Variants in CADPS2 observed in about 807,000 individuals in gnomAD.
The protein encoded by CADPS2 is calcium dependent secretion activator 2.
Under a neutral mutation model 172.5 loss-of-function variants are expected in CADPS2, and 93 were observed. The observed-to-expected ratio is 0.54, with a 90% CI of 0.46 to 0.64. The LOEUF (loss-of-function observed/expected upper bound fraction) is 0.64. Ranked by LOEUF, CADPS2 falls within the 30% of genes least tolerant of loss-of-function variation. CADPS2 has a pLI of 0.00. For synonymous variants in CADPS2, 546 were observed against 555.2 expected (o/e 0.98, Z 0.23); for missense variants, 1,420 against 1,565.9 (o/e 0.91, Z 1.57).
chr7:122,474,610 G>T, intron 12 of CADPS2, 93 bp from the exon 13 acceptor site: 1 of 1,138,966 alleles, frequency 8.8e-7, no homozygotes, highest in Non-Finnish European at 1.2e-6. Flanking sequence ...CGTGACTCAA[G>T]CAGAAGACTA....
intron 1 of CADPS2, among the ~76,000 whole-genome samples, chr7:122,763,402 G>A (rs2093452184): frequency 1.3e-5 from 2 of 152,094 alleles, no homozygotes; most frequent in South Asian, 4.1e-4. Flanking sequence ...GGCTAAAATT[G>A]ACAAACCCAG....
At chr7:122,473,085 T>C (rs187480781) in intron 13 of CADPS2, among the ~76,000 whole-genome samples, 6 of 152,280 alleles carry the variant, frequency 3.9e-5, no homozygotes, top group Non-Finnish European at 8.8e-5. Context: ...CCTCCTTACA[T>C]ATTTTAAGTT....
chr7:122,833,245 T>A (rs1807159463), intron 1 of CADPS2, among the ~76,000 whole-genome samples: 1 of 152,236 alleles, frequency 6.6e-6, no homozygotes, highest in Admixed American at 6.5e-5. Context: ...TTTAGTTGTT[T>A]GCGCTGTTTT....
chr7:122,705,632 G>GATATATAATATATTATATAATATATCTC (rs1564121098), intron 2 of CADPS2, among the ~76,000 whole-genome samples: 8 of 90,110 alleles, frequency 8.9e-5, no homozygotes, highest in East Asian at 5.4e-4. Context: ...TATTATATAT[G>GATATATAATATATTATATAATATATCTC]ATATATAATA....
Position 122,421,613 on chromosome 7 carries a change from A to G in CADPS2, c.2477-5449T>C, listed in dbSNP as rs1381328405. On this transcript the variant is annotated intron_variant, in intron 17 of 29. Transcript: ENST00000449022. ...CTTCGCTAGCCACTGAGGGGATACAATGATTAAAAAGATATTATTTCTGCC... is the reference window on the plus strand; with the variant it reads ...CTTCGCTAGCCACTGAGGGGATACAGTGATTAAAAAGATATTATTTCTGCC... 3.3e-5 allele frequency among the ~76,000 whole-genome samples: 5 copies of G among 152,244 alleles called. No homozygotes were observed. In the East Asian group the frequency reaches 7.7e-4, roughly 23 times the overall value.
intron 1 of CADPS2, among the ~76,000 whole-genome samples, chr7:122,815,515 C>T (rs1403290209): frequency 6.6e-6 from 1 of 151,934 alleles, no homozygotes; most frequent in African/African-American, 2.4e-5. Context: ...ATAAGTTTTC[C>T]CTGTCTCACT....
intron 28 of CADPS2, among the ~76,000 whole-genome samples, chr7:122,326,525 A>G (rs2033907135): frequency 6.6e-6 from 1 of 152,120 alleles, no homozygotes; most frequent in Non-Finnish European, 1.5e-5. Context: ...GATAAAAGTG[A>G]GAAATATCAA....
chr7:122,790,400 A>T (rs933913069), intron 1 of CADPS2, among the ~76,000 whole-genome samples: 3 of 149,086 alleles, frequency 2.0e-5, no homozygotes, highest in Non-Finnish European at 4.5e-5. Flanking sequence ...GCGTTTCTAA[A>T]AAAAAAAAAA....
At chr7:122,350,863 G>A (rs2038449213) in intron 27 of CADPS2, among the ~76,000 whole-genome samples, 1 of 151,866 alleles carries the variant, frequency 6.6e-6, no homozygotes, top group Non-Finnish European at 1.5e-5. Context: ...GTGCATCCCT[G>A]TAGTCCCAGC....
chr7:122,709,800 C>T (rs577026284), intron 2 of CADPS2, among the ~76,000 whole-genome samples: 6 of 151,708 alleles, frequency 4.0e-5, no homozygotes, highest in Non-Finnish European at 7.4e-5. Flanking sequence ...AGTAAACTAT[C>T]GCAAGGACAA....
chr7:122,760,921 C>A (rs2138728569), intron 1 of CADPS2, among the ~76,000 whole-genome samples: 1 of 152,022 alleles, frequency 6.6e-6, no homozygotes, highest in Admixed American at 6.6e-5. Flanking sequence ...ATGTAACTAA[C>A]CTGCACGTTG....
At chr7:122,395,441 T>G (rs2044954520) in intron 20 of CADPS2, 1 of 152,210 alleles carries the variant, frequency 6.6e-6, no homozygotes, top group Admixed American at 6.5e-5. Context: ...TTTAGGAGAC[T>G]AATGTTATCT....
intron 2 of CADPS2, among the ~76,000 whole-genome samples, chr7:122,686,637 T>TGCAGGTGGTCTGATGTAAAAG (rs1370953113): frequency 6.6e-6 from 1 of 152,210 alleles, no homozygotes; most frequent in Non-Finnish European, 1.5e-5. Context: ...AGAAAGTGAA[T>TGCAGGTGGTCTGATGTAAAAG]GCAGGTGGTC....
At chr7:122,658,470 A>G (rs1436186835) in intron 3 of CADPS2, among the ~76,000 whole-genome samples, 1 of 152,240 alleles carries the variant, frequency 6.6e-6, no homozygotes, top group Non-Finnish European at 1.5e-5. Flanking sequence ...TCACAATAGC[A>G]AAGACTTGGA....
At chr7:122,709,248 A>T (rs1459235702) in intron 2 of CADPS2, among the ~76,000 whole-genome samples, 2 of 152,148 alleles carry the variant, frequency 1.3e-5, no homozygotes, top group African/African-American at 2.4e-5. Context: ...AGCCACAAGG[A>T]TATGAACAGA....
intron 1 of CADPS2, among the ~76,000 whole-genome samples, chr7:122,815,858 C>G (rs750966867): frequency 6.6e-6 from 1 of 151,896 alleles, no homozygotes; most frequent in East Asian, 1.9e-4. Context: ...TCTGCTTTCT[C>G]GAAGGTTAAT....
chr7:122,886,328 G>C lies in CADPS2; in HGVS notation c.10C>G (p.Pro4Ala). 1.3e-6 allele frequency: 2 copies of C among 1,499,944 alleles called. No individual in the cohort carries two copies. The highest frequency in any genetic ancestry group is 1.8e-6 in the Non-Finnish European group (2 of 1,133,362). 92.9% of individuals were successfully genotyped at this position (1,499,944 alleles called of 1,614,324 possible). The change falls in exon 1 of 30, where the codon CCG becomes GCG. Residue 4 changes from proline to alanine, a missense_variant. By Grantham distance (27) the Pro-to-Ala change is conservative. Coordinates refer to ENST00000449022, the MANE Select transcript of CADPS2 (RefSeq NM_017954.11). ...TCCGACTCCTCTTCGCTGGAAGACGGGTCCAGCATGGTGCTCGGGGATCCC... is the reference window on the plus strand; with the variant it reads ...TCCGACTCCTCTTCGCTGGAAGACGCGTCCAGCATGGTGCTCGGGGATCCC... Reference protein sequence around the residue: MLDPSSSEEESDEG... With the variant: MLDASSSEEESDEG...
chr7:122,506,806 T>C (rs533472453), intron 9 of CADPS2, among the ~76,000 whole-genome samples: 12 of 151,490 alleles, frequency 7.9e-5, no homozygotes, highest in Non-Finnish European at 1.6e-4. Context: ...AAGATCCAGA[T>C]AGATTGGACA....
chr7:122,584,105 T>C (rs1383487482), intron 6 of CADPS2, among the ~76,000 whole-genome samples: 2 of 151,822 alleles, frequency 1.3e-5, no homozygotes, highest in African/African-American at 4.8e-5. Flanking sequence ...TTTACTTTTT[T>C]GTATTCTCCA....
Sources: allele counts gnomAD v4.1 joint callset (sites outside exome capture counted in the v4.1 genomes callset), GRCh38; gene constraint gnomAD v4.1.1; transcripts MANE v1.5; gene names NCBI Gene and HGNC (gene_info 2026-07-23, HGNC 2026-07-21).